The following ABCA13 variants were observed in gnomAD, a reference collection of about 807,000 sequenced individuals.
ABCA13 encodes ATP-binding cassette sub-family A member 13.
Under a neutral mutation model 478.7 loss-of-function variants are expected in ABCA13, and 476 were observed. That is an observed-to-expected ratio of 0.99 (90% CI 0.92 to 1.07). The LOEUF is 1.07. Among genes scored for constraint, ABCA13 ranks in the 50% least tolerant of loss-of-function variants. The probability of loss-of-function intolerance (pLI) is 0.00; values close to 1 mark genes in which losing one functional copy is unlikely to be tolerated. For synonymous variants in ABCA13, 2,252 were observed against 2,158.9 expected, an observed-to-expected ratio of 1.04 and a Z score of -1.20; for missense variants, 6,060 against 5,910.6, an observed-to-expected ratio of 1.03 and a Z score of -0.83.
At chr7:48,374,494 C>T (rs993571125) in intron 34 of ABCA13, 78 bp downstream of exon 34, 7 of 1,300,934 alleles carry the variant, frequency 5.4e-6, no homozygotes, top group Non-Finnish European at 7.5e-6. Context: ...GCAAGTGATC[C>T]AGTAGGAAGT....
chr7:48,596,634 TA>T (rs1224432818), intron 58 of ABCA13, among the ~76,000 whole-genome samples: 14 of 151,920 alleles, frequency 9.2e-5, no homozygotes, highest in African/African-American at 3.4e-4. Context: ...ACATCTCTAC[TA>T]AAAATACAAA....
intron 46 of ABCA13, among the ~76,000 whole-genome samples, chr7:48,482,288 C>G (rs2130561127): frequency 1.3e-5 from 2 of 152,242 alleles, no homozygotes; most frequent in South Asian, 4.1e-4. Context: ...GTCTGGAATG[C>G]TTTCCTAAAC....
intron 3 of ABCA13, among the ~76,000 whole-genome samples, chr7:48,201,361 G>C (rs543424637): frequency 1.6e-4 from 24 of 152,268 alleles, no homozygotes; most frequent in African/African-American, 5.8e-4. Context: ...GGAATGCTGC[G>C]GAGCTGTTAC....
chr7:48,541,805 G>T (rs1833960701), intron 55 of ABCA13, among the ~76,000 whole-genome samples: 3 of 147,734 alleles, frequency 2.0e-5, no homozygotes, highest in Admixed American at 1.4e-4. Context: ...TAAAAGGAAA[G>T]TTGACAGATA....
intron 11 of ABCA13, among the ~76,000 whole-genome samples, chr7:48,244,912 A>G (rs951481317): frequency 6.6e-6 from 1 of 152,188 alleles, no homozygotes; most frequent in African/African-American, 2.4e-5. Flanking sequence ...GGCACAGTGA[A>G]GAGCGCATCC....
intron 29 of ABCA13, among the ~76,000 whole-genome samples, chr7:48,340,071 C>T: frequency 6.6e-6 from 1 of 152,108 alleles, no homozygotes; most frequent in East Asian, 1.9e-4. Flanking sequence ...TTTGCCCAAT[C>T]ATGCTGTCAT....
At chr7:48,420,343 C>T (rs929385485) in intron 41 of ABCA13, among the ~76,000 whole-genome samples, 2 of 152,094 alleles carry the variant, frequency 1.3e-5, no homozygotes, top group Non-Finnish European at 2.9e-5. Flanking sequence ...AATGCTTGGA[C>T]CTAAGGACAA....
intron 55 of ABCA13, among the ~76,000 whole-genome samples, chr7:48,542,671 A>T (rs1283595527): frequency 6.6e-6 from 1 of 150,446 alleles, no homozygotes; most frequent in African/African-American, 2.4e-5. Context: ...TGTTTTCAGC[A>T]TAAAAGAATA....
intron 42 of ABCA13, among the ~76,000 whole-genome samples, chr7:48,438,979 A>G (rs1269776512): frequency 6.6e-6 from 1 of 151,466 alleles, no homozygotes; most frequent in East Asian, 1.9e-4. Context: ...AACCCATTCC[A>G]TGATTTCAAG....
intron 42 of ABCA13, among the ~76,000 whole-genome samples, chr7:48,453,338 C>G (rs1357393720): frequency 6.6e-6 from 1 of 151,934 alleles, no homozygotes; most frequent in African/African-American, 2.4e-5. Context: ...CTTTAACTAC[C>G]TAATGCCTCA....
chr7:48,604,129 T>G (rs918781566), intron 58 of ABCA13, among the ~76,000 whole-genome samples: 1 of 152,202 alleles, frequency 6.6e-6, no homozygotes, highest in African/African-American at 2.4e-5. Context: ...TCTTTTCTTC[T>G]TTATTAATCT....
chr7:48,596,331 A>G (rs2131447960), intron 58 of ABCA13, among the ~76,000 whole-genome samples: 1 of 152,322 alleles, frequency 6.6e-6, no homozygotes, highest in African/African-American at 2.4e-5. Context: ...ACTAAACTTT[A>G]CACTGTTGTT....
chr7:48,352,084 A>C, intron 30 of ABCA13, 97 bp from the exon 31 acceptor site: 2 of 1,242,922 alleles, frequency 1.6e-6, no homozygotes, highest in Non-Finnish European at 2.2e-6. Flanking sequence ...TGTGAGTCTC[A>C]GGCTCCTGCA....
At chr7:48,428,013 T>C (rs954460144) in intron 42 of ABCA13, 142 bp downstream of exon 42, 14 of 506,184 alleles carry the variant, frequency 2.8e-5, no homozygotes, top group Admixed American at 1.2e-4. Context: ...GGCAAGTAAA[T>C]ACAGGTCAGA....
At chr7:48,626,776 GA>G (rs1287261413) in intron 59 of ABCA13, 10 of 985,492 alleles carry the variant, frequency 1.0e-5, no homozygotes, top group Non-Finnish European at 1.2e-5. Context: ...TGTCTTTAGA[GA>G]AACAGAAGTT....
At chr7:48,539,712 C>T (rs1188730519) in intron 55 of ABCA13, among the ~76,000 whole-genome samples, 1 of 152,158 alleles carries the variant, frequency 6.6e-6, no homozygotes, top group Non-Finnish European at 1.5e-5. Context: ...CTCCTCTAGT[C>T]ATTTCTTCAT....
chr7:48,210,165 A>G (rs961845633), intron 3 of ABCA13, among the ~76,000 whole-genome samples: 1 of 152,212 alleles, frequency 6.6e-6, no homozygotes, highest in South Asian at 2.1e-4. Flanking sequence ...GAAACTTACA[A>G]TCATGGTGGA....
At chr7:48,606,147 T>G (rs1791443272) in intron 58 of ABCA13, among the ~76,000 whole-genome samples, 1 of 152,198 alleles carries the variant, frequency 6.6e-6, no homozygotes, top group Admixed American at 6.5e-5. Context: ...TTCCTTGCAT[T>G]GGGTTAGAAC....
At chr7:48,555,631 T>C (rs190832717) in intron 55 of ABCA13, among the ~76,000 whole-genome samples, 201 of 152,052 alleles carry the variant, frequency 1.3e-3, no homozygotes, top group Non-Finnish European at 2.3e-3. Context: ...CCACTAATGA[T>C]CCTTTGAATT....
Sources: gnomAD v4.1 joint callset for allele counts (sites outside exome capture counted in the v4.1 genomes callset) on GRCh38, gnomAD v4.1.1 for gene constraint, MANE v1.5 for transcripts, NCBI Gene and HGNC (gene_info 2026-07-23, HGNC 2026-07-21) for gene names.